RPGRIP1L: variants seen among roughly 807,000 people sequenced by gnomAD.
The protein encoded by RPGRIP1L is RPGRIP1 like.
RPGRIP1L carries 131 observed loss-of-function variants against 160.4 expected under a neutral mutation model. That is an observed-to-expected ratio of 0.82 (90% CI 0.71 to 0.94). The LOEUF (loss-of-function observed/expected upper bound fraction) is 0.94, where lower values mean the gene tolerates loss of function less well. RPGRIP1L is among the 40% of genes least tolerant of loss of function. RPGRIP1L has a pLI of 0.00. For missense variants in RPGRIP1L, 1,522 were observed against 1,535.8 expected (o/e 0.99, Z 0.15); for synonymous variants, 510 against 515.8 (o/e 0.99, Z 0.15).
chr16:53,601,126 C>G lies in RPGRIP1L; in HGVS notation c.*950G>C, dbSNP rs569569131. 6.5e-6 allele frequency: 1 copy of G among 152,694 alleles called. No individual in the cohort carries two copies. Among genetic ancestry groups the G allele is most frequent in the East Asian group, 1.9e-4 (1 of 5,188 alleles). The allele number at this position is 152,694 out of a possible 1,614,324, so 9.5% of individuals were successfully genotyped here. On this transcript the variant is annotated 3_prime_UTR_variant, in exon 27 of 27. Transcript: ENST00000647211. ...ATCCTTCAGTGAGATTGGGTAAAAG[C>G]TAGAAAATTAACTTTCAGAGCTGCT...
rs771457754 is a variant in RPGRIP1L, at chr16:53,637,713, C to T, written c.3202G>A (p.Glu1068Lys). 1.7e-5 allele frequency: 28 copies of T among 1,610,192 alleles called. No individual in the cohort carries two copies. The highest frequency in any genetic ancestry group is 6.6e-5 in the South Asian group (6 of 91,076). Residue 1068 changes from glutamate (E) to lysine (K), a missense_variant, in exon 21 of 27, where the codon GAG (glutamate) becomes AAG (lysine). Coordinates refer to ENST00000647211, the MANE Select transcript of RPGRIP1L (RefSeq NM_015272.5). The part of the protein sequence containing the change: ...ASSEDETEIT[E>K]DLEPEVEEDM... ...AAGTCACCTTCTGGTTCCAAGTCCT[C>T]TGTTATTTCTGTTTCATCTTCAGAA...
intron 19 of RPGRIP1L, among the ~76,000 whole-genome samples, chr16:53,639,209 C>A (rs933011198): frequency 2.0e-5 from 3 of 151,212 alleles, no homozygotes; most frequent in Admixed American, 2.0e-4. Context: ...GTAAACATGG[C>A]CAATATAGGA....
At chr16:53,656,681 T>C in intron 13 of RPGRIP1L, 92 bp from the exon 14 acceptor site, 1 of 943,274 alleles carries the variant, frequency 1.1e-6, no homozygotes, top group South Asian at 1.3e-5. Context: ...TTCTAGATCC[T>C]GGAAATAGTA....
chr16:53,636,400 T>C, intron 22 of RPGRIP1L, 39 bp downstream of exon 22: 1 of 1,388,080 alleles, frequency 7.2e-7, no homozygotes. Flanking sequence ...AAAGGCAGCC[T>C]TATTTCAGAA....
chr16:53,608,485 G>C (rs1963822250), intron 25 of RPGRIP1L, among the ~76,000 whole-genome samples: 1 of 152,208 alleles, frequency 6.6e-6, no homozygotes, highest in African/African-American at 2.4e-5. Context: ...CCTTAAGTCA[G>C]TGTTAAACTA....
intron 9 of RPGRIP1L, 141 bp from the exon 10 acceptor site, chr16:53,665,150 T>G: frequency 9.1e-7 from 1 of 1,093,546 alleles, no homozygotes; most frequent in Non-Finnish European, 1.3e-6. Flanking sequence ...TCTGCTGCTG[T>G]TGAAACCAAG....
intron 16 of RPGRIP1L, among the ~76,000 whole-genome samples, chr16:53,646,734 T>C (rs993690607): frequency 2.6e-5 from 4 of 152,176 alleles, no homozygotes; most frequent in Non-Finnish European, 5.9e-5. Flanking sequence ...CTGTGCTTTG[T>C]TTGGTTTAGT....
At chr16:53,688,670 A>C (rs1307627037) in intron 4 of RPGRIP1L, among the ~76,000 whole-genome samples, 1 of 152,110 alleles carries the variant, frequency 6.6e-6, no homozygotes, top group Non-Finnish European at 1.5e-5. Flanking sequence ...ACAGATGATT[A>C]AGGTTTTTAA....
intron 2 of RPGRIP1L, 104 bp downstream of exon 2, chr16:53,700,535 T>G: frequency 2.3e-6 from 2 of 875,630 alleles, no homozygotes; most frequent in Non-Finnish European, 1.9e-6. Context: ...AAGGACTATA[T>G]AGTTACTTAA....
intron 6 of RPGRIP1L, among the ~76,000 whole-genome samples, chr16:53,685,143 T>C (rs1452519630): frequency 2.6e-5 from 4 of 151,480 alleles, no homozygotes; most frequent in African/African-American, 7.3e-5. Context: ...ATTAGAGAAA[T>C]GCAAGCCAAA....
At chr16:53,695,951 C>A in intron 3 of RPGRIP1L, 200 bp downstream of exon 3, 1 of 531,094 alleles carries the variant, frequency 1.9e-6, no homozygotes, top group South Asian at 2.1e-5. Flanking sequence ...ATAGCAAATT[C>A]AGACATAATA....
At chr16:53,675,784 T>C (rs1969107760) in intron 6 of RPGRIP1L, among the ~76,000 whole-genome samples, 1 of 152,182 alleles carries the variant, frequency 6.6e-6, no homozygotes, top group South Asian at 2.1e-4. Flanking sequence ...ACAATACTAT[T>C]TTGTATTTTT....
In RPGRIP1L at chr16:53,675,009, C is replaced by T. The variant is rs773501615; in HGVS notation, c.882+8G>A. Reference sequence around the variant, plus strand: ...GTAACATTGTAATAAAATAAATTATCACTGTACCTCTTGAAGCTGAATAAA... The same window carrying T: ...GTAACATTGTAATAAAATAAATTATTACTGTACCTCTTGAAGCTGAATAAA... On this transcript the variant is annotated splice_region_variant and intron_variant, in intron 7 of 26. Transcript: ENST00000647211. 12 of 1,545,110 alleles carry T rather than the reference C, an allele frequency of 7.8e-6. No individual in the cohort carries two copies. The East Asian group carries it at 2.7e-4, about 35-fold the overall frequency.
intron 15 of RPGRIP1L, among the ~76,000 whole-genome samples, chr16:53,649,904 C>A (rs1297833598): frequency 1.3e-5 from 2 of 152,120 alleles, no homozygotes; most frequent in Non-Finnish European, 2.9e-5. Context: ...ACTACAGGGA[C>A]TAGTATATAA....
intron 25 of RPGRIP1L, 130 bp from the exon 26 acceptor site, chr16:53,605,744 G>A (rs897023860): frequency 1.2e-5 from 11 of 900,350 alleles, no homozygotes; most frequent in Non-Finnish European, 1.8e-5. Context: ...TAAAAAGAAA[G>A]GTACACTAGG....
intron 15 of RPGRIP1L, among the ~76,000 whole-genome samples, chr16:53,650,201 G>A (rs960428346): frequency 6.6e-6 from 1 of 152,038 alleles, no homozygotes; most frequent in Non-Finnish European, 1.5e-5. Context: ...TCATGAGTAG[G>A]ATTGGTGCCA....
rs370687136 is a variant in RPGRIP1L, at chr16:53,641,056, C to A, written c.2935G>T (p.Asp979Tyr). Reference sequence around the variant, plus strand: ...ACATCACTCTGATGTGGCATGATATCCACGAAAGATACCTTCTTATCTACA... The same window carrying A: ...ACATCACTCTGATGTGGCATGATATACACGAAAGATACCTTCTTATCTACA... ...TPVDKKVSFV[D>Y]IMPHQSDETS... The change falls in exon 19 of 27, where the codon GAT (aspartate) becomes TAT (tyrosine). Residue 979 changes from aspartate to tyrosine, a missense_variant. By Grantham distance (160) the Asp-to-Tyr change is radical. Coordinates refer to ENST00000647211, the MANE Select transcript of RPGRIP1L (RefSeq NM_015272.5). 3.1e-6 allele frequency: 5 copies of A among 1,613,466 alleles called. No individual in the cohort carries two copies. Among genetic ancestry groups the A allele is most frequent in the Non-Finnish European group, 3.4e-6 (4 of 1,179,544 alleles).
chr16:53,625,327 G>A (rs1489264718), intron 22 of RPGRIP1L, among the ~76,000 whole-genome samples: 2 of 150,210 alleles, frequency 1.3e-5, no homozygotes, highest in Non-Finnish European at 3.0e-5. Flanking sequence ...GAGCGCCTCC[G>A]CGGCTGCCCC....
intron 22 of RPGRIP1L, among the ~76,000 whole-genome samples, chr16:53,634,099 G>C (rs1965685883): frequency 6.6e-6 from 1 of 152,188 alleles, no homozygotes; most frequent in Non-Finnish European, 1.5e-5. Context: ...GCTGCTCTCT[G>C]TTTCCAAGAT....
Sources: allele counts gnomAD v4.1 joint callset (sites outside exome capture counted in the v4.1 genomes callset), GRCh38; gene constraint gnomAD v4.1.1; transcripts MANE v1.5; gene names NCBI Gene and HGNC (gene_info 2026-07-23, HGNC 2026-07-21).